Variants in GPC1 observed in about 807,000 individuals in gnomAD.
GPC1 encodes glypican 1, also known as glypican-1.
Under a neutral mutation model 51.5 loss-of-function variants are expected in GPC1, and 26 were observed. The observed-to-expected ratio is 0.50, with a 90% CI of 0.37 to 0.70. The LOEUF is 0.70. Ranked by LOEUF, GPC1 falls within the 30% of genes least tolerant of loss-of-function variation. The probability of loss-of-function intolerance (pLI) is 0.00; values close to 1 mark genes in which losing one functional copy is unlikely to be tolerated. For missense variants in GPC1, 775 were observed against 800.5 expected (o/e 0.97, Z 0.38); for synonymous variants, 380 against 348.3 (o/e 1.09, Z -1.01).
Position 240,448,375 on chromosome 2 carries a change from G to A in GPC1, c.167-10655G>A, listed in dbSNP as rs554131275. ...CCTCTGTCTGCCAGGCAGTCCGGGT[G>A]TAGATAGTCCCTGCCAGGCAGTCCA... On this transcript the variant is annotated intron_variant, in intron 1 of 8. Transcript: ENST00000264039. This position sits in a 1 kb window ranked among gnomAD's most constrained non-coding sequence, Gnocchi z 4.5. 1.1e-3 allele frequency among the ~76,000 whole-genome samples: 173 copies of A among 151,944 alleles called. No homozygotes were observed. The highest frequency in any genetic ancestry group is 3.9e-3 in the African/African-American group (163 of 41,350).
chr2:240,444,372 G>T (rs1028325613), intron 1 of GPC1, among the ~76,000 whole-genome samples: 3 of 152,172 alleles, frequency 2.0e-5, no homozygotes, highest in African/African-American at 4.8e-5. Context: ...GGCTTCCGGG[G>T]ACTCCCAAAT....
At chr2:240,453,638 CT>C (rs1433310645) in intron 1 of GPC1, among the ~76,000 whole-genome samples, 22 of 147,932 alleles carry the variant, frequency 1.5e-4, no homozygotes, top group African/African-American at 5.0e-4. Context: ...CCGCAGCCCC[CT>C]CTCCCCGCCC....
chr2:240,458,103 C>T (rs1046892192), intron 1 of GPC1: 5 of 469,254 alleles, frequency 1.1e-5, no homozygotes, highest in South Asian at 4.6e-5. Context: ...ATAGCTGGGA[C>T]GAGACCTCAT....
chr2:240,452,729 CGGG>C (rs2074111483), intron 1 of GPC1: 1 of 150,578 alleles, frequency 6.6e-6, no homozygotes, highest in South Asian at 2.0e-4. Context: ...TCCAGGGAGA[CGGG>C]GGCGGTGCCG....
In GPC1 at chr2:240,435,873, C is replaced by G; in HGVS notation, c.-46C>G. 1.7e-6 allele frequency: 2 copies of G among 1,180,108 alleles called. No individual in the cohort carries two copies. The highest frequency in any genetic ancestry group is 2.1e-6 in the Non-Finnish European group (2 of 943,182). The allele number at this position is 1,180,108 out of a possible 1,614,324, so 73.1% of individuals were successfully genotyped here. ...GAACTGCGCAGGACCCGGCCAGGAT[C>G]CGAGAGAGGCGCGGGCGGGTGGCCG... On this transcript the variant is annotated 5_prime_UTR_variant, in exon 1 of 9. In the 5' UTR this introduces an upstream ATG that the reference lacks. Coordinates refer to ENST00000264039, the MANE Select transcript of GPC1 (RefSeq NM_002081.3).
chr2:240,459,287 G>A, intron 2 of GPC1, 99 bp downstream of exon 2: 3 of 1,155,704 alleles, frequency 2.6e-6, no homozygotes, highest in African/African-American at 1.5e-5. Context: ...CAAGGGTGGG[G>A]GATTGGCAGG....
chr2:240,458,486 A>G (rs999863160), intron 1 of GPC1: 1 of 185,596 alleles, frequency 5.4e-6, no homozygotes, highest in Admixed American at 5.3e-5. Context: ...ACCAGAGCAC[A>G]CCTGCCCCCA....
intron 2 of GPC1, among the ~76,000 whole-genome samples, chr2:240,461,060 T>TG (rs35165417): frequency 0.36 from 54,538 of 152,148 alleles, 10,287 homozygotes; most frequent in African/African-American, 0.46. Context: ...CACCTGGATT[T>TG]GGCCCATGGC....
rs527687491 is a variant in GPC1, at chr2:240,465,671, C to A, written c.1444+23C>A. On this transcript the variant is annotated intron_variant, in intron 8 of 8. Coordinates refer to ENST00000264039, the MANE Select transcript of GPC1 (RefSeq NM_002081.3). ...CCAGTGAGGGCAGGGCCTGGCCGGG[C>A]GGCCAAGGGGCCAGGGTTGGTGGGG... The A allele has an allele frequency of 3.1e-6, 5 of 1,606,754 alleles. No homozygotes were observed. In the African/African-American group the frequency reaches 6.7e-5, roughly 21 times the overall value.
chr2:240,463,590 C>T (rs187613396), intron 4 of GPC1, 78 bp downstream of exon 4: 2 of 1,306,578 alleles, frequency 1.5e-6, no homozygotes, highest in Non-Finnish European at 2.2e-6. Context: ...GCGGGTGGTC[C>T]CTAGCTTAGA....
intron 2 of GPC1, among the ~76,000 whole-genome samples, chr2:240,461,033 G>A (rs1220495443): frequency 6.7e-6 from 1 of 149,906 alleles, no homozygotes; most frequent in Non-Finnish European, 1.5e-5. Flanking sequence ...TCTGGCAGGA[G>A]GTAGAGCTGG....
rs1274324449 is a variant in GPC1 at position 240,468,048 on chromosome 2, CCTT to C, written c.*1759_*1761del. The stretch of plus-strand genomic sequence containing the variant: ...GCGGGTGACGTGTGTTCTTTTGAGT[CCTT>C]GTATGAATAAAAGGCTGGAAACCTA... On this transcript the variant is annotated 3_prime_UTR_variant, in exon 9 of 9. Transcript: ENST00000264039. 1 of 152,388 alleles carries C rather than the reference CCTT, an allele frequency of 6.6e-6. No homozygotes were observed. The allele number at this position is 152,388 out of a possible 1,614,324, so 9.4% of individuals were successfully genotyped here.
chr2:240,437,736 C>T (rs967562514), intron 1 of GPC1, among the ~76,000 whole-genome samples: 1 of 152,204 alleles, frequency 6.6e-6, no homozygotes, highest in Non-Finnish European at 1.5e-5. Flanking sequence ...GTGGCTGCCC[C>T]TCCCAGCCCA....
Position 240,462,216 on chromosome 2 carries a change from C to A in GPC1, c.351C>A (p.Asp117Glu), listed in dbSNP as rs2074221812. 6.2e-7 allele frequency: 1 copy of A among 1,606,250 alleles called. No individual in the cohort carries two copies. Among genetic ancestry groups the A allele is most frequent in the Non-Finnish European group, 8.5e-7 (1 of 1,175,796 alleles). The stretch of plus-strand genomic sequence containing the variant: ...ACCACTTCCAGCACCTGCTGAACGA[C>A]TCGGAGCGGACGCTGCAGGCCACCT... Reference protein sequence around the residue: ...FDDHFQHLLNDSERTLQATFP... With the variant: ...FDDHFQHLLNESERTLQATFP... Residue 117 changes from aspartate (D) to glutamate (E), a missense_variant, in exon 3 of 9, where the codon GAC becomes GAA. By Grantham distance (45) the Asp-to-Glu change is conservative (BLOSUM62 2). Coordinates refer to ENST00000264039, the MANE Select transcript of GPC1 (RefSeq NM_002081.3).
At chr2:240,436,666 G>A (rs2073986307) in intron 1 of GPC1, among the ~76,000 whole-genome samples, 2 of 152,256 alleles carry the variant, frequency 1.3e-5, no homozygotes. Flanking sequence ...CCCTCGGGGG[G>A]TAGTGCGGAG....
At chr2:240,451,814 C>A (rs1223589879) in intron 1 of GPC1, 2 of 153,596 alleles carry the variant, frequency 1.3e-5, no homozygotes, top group African/African-American at 2.4e-5. Flanking sequence ...CTGATGGACC[C>A]CTGCCGTCGT....
chr2:240,451,409 AC>A (rs1027851373), intron 1 of GPC1: 13 of 379,128 alleles, frequency 3.4e-5, no homozygotes, highest in African/African-American at 2.7e-4. Context: ...CAGTGGGTGT[AC>A]GGGAAGCTAG....
intron 1 of GPC1, chr2:240,450,752 T>A: frequency 2.1e-6 from 1 of 469,828 alleles, no homozygotes; most frequent in Admixed American, 2.4e-5. Context: ...CTGGGCAGAT[T>A]CCCCCCGACA....
rs929833444 is a variant in GPC1 at position 240,466,421 on chromosome 2, G to A, written c.*131G>A. 25 of 612,706 alleles carry A rather than the reference G, an allele frequency of 4.1e-5. No homozygotes were observed. In the Admixed American group the frequency reaches 4.7e-4, roughly 12 times the overall value. 38.0% of individuals were successfully genotyped at this position (612,706 alleles called of 1,614,324 possible). A position where few individuals can be genotyped will look rare whatever the true frequency, so the allele number is the denominator to read the frequency against. On this transcript the variant is annotated 3_prime_UTR_variant, in exon 9 of 9. Coordinates refer to ENST00000264039, the MANE Select transcript of GPC1 (RefSeq NM_002081.3). ...GGAGGGCCGGCGGCTCTGAGCAGGGGCAGGCGCAGAGGTCCCAGCCCCAGG... is the reference window on the plus strand; with the variant it reads ...GGAGGGCCGGCGGCTCTGAGCAGGGACAGGCGCAGAGGTCCCAGCCCCAGG...
Sources: allele counts gnomAD v4.1 joint callset (sites outside exome capture counted in the v4.1 genomes callset), GRCh38; gene constraint gnomAD v4.1.1; non-coding constraint Gnocchi (gnomAD v3.1); transcripts MANE v1.5; gene names NCBI Gene and HGNC (gene_info 2026-07-23, HGNC 2026-07-21).